NEDD4L: variants seen among roughly 807,000 people sequenced by gnomAD.
NEDD4L encodes the protein NEDD4 like E3 ubiquitin protein ligase.
Under a neutral mutation model 148.9 loss-of-function variants are expected in NEDD4L, and 54 were observed. The observed-to-expected ratio is 0.36, with a 90% CI of 0.29 to 0.45. The LOEUF (loss-of-function observed/expected upper bound fraction) is 0.45, where lower values mean the gene tolerates loss of function less well. Among genes scored for constraint, NEDD4L ranks in the 20% least tolerant of loss-of-function variants. The probability of loss-of-function intolerance (pLI) is 1.00; values close to 1 mark genes in which losing one functional copy is unlikely to be tolerated. For missense variants in NEDD4L, 856 were observed against 1,233.8 expected (o/e 0.69, Z 4.59); for synonymous variants, 433 against 440.7 (o/e 0.98, Z 0.22).
chr18:58,337,936 G>A (rs560945913), intron 13 of NEDD4L, among the ~76,000 whole-genome samples: 5 of 152,270 alleles, frequency 3.3e-5, no homozygotes, highest in African/African-American at 9.6e-5. Context: ...CTCCCCATGA[G>A]ATAAAAGGAG....
chr18:58,142,982 G>A (rs2033716457), intron 1 of NEDD4L, among the ~76,000 whole-genome samples: 1 of 152,198 alleles, frequency 6.6e-6, no homozygotes, highest in Admixed American at 6.5e-5. Context: ...TTGGATCAGT[G>A]TTGAACCTGT....
intron 1 of NEDD4L, among the ~76,000 whole-genome samples, chr18:58,142,271 A>G (rs1258553022): frequency 6.6e-6 from 1 of 151,540 alleles, no homozygotes; most frequent in East Asian, 1.9e-4. Flanking sequence ...TACGGTCTCG[A>G]TCTTTTGACA....
intron 15 of NEDD4L, 104 bp downstream of exon 15, chr18:58,341,901 G>A: frequency 2.2e-6 from 3 of 1,334,618 alleles, no homozygotes; most frequent in Non-Finnish European, 3.1e-6. Flanking sequence ...TCCTCTCTCT[G>A]ATCAGTCGTT....
intron 1 of NEDD4L, among the ~76,000 whole-genome samples, chr18:58,095,451 G>A (rs1320030382): frequency 3.1e-5 from 4 of 128,966 alleles, no homozygotes; most frequent in African/African-American, 1.4e-4. Context: ...CTCCCACCGC[G>A]TGGGGAGTAA....
At chr18:58,048,068 C>T (rs929722434) in intron 1 of NEDD4L, among the ~76,000 whole-genome samples, 4 of 152,194 alleles carry the variant, frequency 2.6e-5, no homozygotes, top group African/African-American at 9.7e-5. Context: ...CACCTTCTCT[C>T]CTTATCCTGT....
intron 1 of NEDD4L, among the ~76,000 whole-genome samples, chr18:58,099,543 T>G (rs975948426): frequency 2.6e-5 from 4 of 152,244 alleles, no homozygotes; most frequent in Admixed American, 6.5e-5. Context: ...TTAGTGCTAT[T>G]TCCTGTTAGA....
chr18:58,229,752 G>A (rs2044859509), intron 2 of NEDD4L, among the ~76,000 whole-genome samples: 1 of 152,052 alleles, frequency 6.6e-6, no homozygotes, highest in Non-Finnish European at 1.5e-5. Context: ...AACACTTTGG[G>A]AGGCCGAGGC....
chr18:58,113,374 C>A (rs2085535852), intron 1 of NEDD4L, among the ~76,000 whole-genome samples: 1 of 152,136 alleles, frequency 6.6e-6, no homozygotes, highest in Non-Finnish European at 1.5e-5. Flanking sequence ...ACAGATTGAA[C>A]AATGGCTGTA....
At position 58,348,326 on chromosome 18, in the gene NEDD4L, C is replaced by CTTTTTTTTCTTTTTTT. The variant is rs2043371626; in HGVS notation, c.1576-1203_1576-1202insCTTTTTTTTTTTTTTT. 1.1e-3 allele frequency among the ~76,000 whole-genome samples: 99 copies of CTTTTTTTTCTTTTTTT among 88,650 alleles called. 3 individuals are homozygous for CTTTTTTTTCTTTTTTT. The highest frequency in any genetic ancestry group is 5.2e-3 in the African/African-American group (97 of 18,530). 58.2% of individuals were successfully genotyped at this position (88,650 alleles called of 152,430 possible). A position where few individuals can be genotyped will look rare whatever the true frequency, so the allele number is the denominator to read the frequency against. On this transcript the variant is annotated intron_variant, in intron 16 of 30. Transcript: ENST00000400345. ...CACTGCATTTCTTTTTCTTTTTTTTCTTTTTTTTTTTTTTTTTTTTTTTGA... is the reference window on the plus strand; with the variant it reads ...CACTGCATTTCTTTTTCTTTTTTTTCTTTTTTTTCTTTTTTTTTTTTTTTTTTTTTTTTTTTTTTGA...
intron 1 of NEDD4L, among the ~76,000 whole-genome samples, chr18:58,083,702 AC>A (rs201778382): frequency 6.9e-6 from 1 of 144,474 alleles, no homozygotes; most frequent in African/African-American, 2.6e-5. Flanking sequence ...AACAAAAAAA[AC>A]AAAACAACAA....
chr18:58,278,780 C>G (rs962415247), intron 5 of NEDD4L, among the ~76,000 whole-genome samples: 3 of 152,340 alleles, frequency 2.0e-5, no homozygotes, highest in Admixed American at 6.5e-5. Flanking sequence ...TCATATCTAT[C>G]TCAAACTAGG....
chr18:58,078,690 A>G (rs1384868555), intron 1 of NEDD4L, among the ~76,000 whole-genome samples: 1 of 152,206 alleles, frequency 6.6e-6, no homozygotes, highest in East Asian at 1.9e-4. Context: ...GAAAGCTTAC[A>G]GAAATAAAGG....
intron 5 of NEDD4L, among the ~76,000 whole-genome samples, chr18:58,252,908 A>G (rs1211834426): frequency 6.6e-6 from 1 of 152,078 alleles, no homozygotes; most frequent in Non-Finnish European, 1.5e-5. Flanking sequence ...TTTGAAGCAC[A>G]TTTTGCTTTC....
chr18:58,082,201 G>C (rs1388155765), intron 1 of NEDD4L, among the ~76,000 whole-genome samples: 1 of 142,172 alleles, frequency 7.0e-6, no homozygotes, highest in Admixed American at 7.2e-5. Flanking sequence ...CCTGCCTCCC[G>C]GGTTCAAGCA....
intron 5 of NEDD4L, among the ~76,000 whole-genome samples, chr18:58,276,742 A>G (rs2052123036): frequency 6.6e-6 from 1 of 151,234 alleles, no homozygotes; most frequent in East Asian, 1.9e-4. Context: ...CGAAGTTAAT[A>G]GCTCCCACCC....
rs373128169 is a variant in NEDD4L at position 58,366,205 on chromosome 18, C to T, written c.2040C>T (p.Tyr680=). Residue 680 remains tyrosine (Y), a synonymous_variant, in exon 21 of 31, where the codon TAC becomes TAT. Coordinates refer to ENST00000400345, the MANE Select transcript of NEDD4L (RefSeq NM_001144967.3). The surrounding 1 kb of genome is among the most constrained non-coding windows in gnomAD (Gnocchi z 4.2). ...CCAAAGAGATGTTCAACCCCTACTA[C>T]GGCCTCTTTGAGTACTCTGCCACGT... ...LLSKEMFNPY[Y]GLFEYSATDN... is the part of the protein sequence containing the mutation. 31 of 1,610,064 alleles carry T rather than the reference C, an allele frequency of 1.9e-5. 1 individual carries two copies. In the African/African-American group the frequency reaches 2.4e-4, roughly 12 times the overall value.
At chr18:58,058,865 T>A (rs1469891701) in intron 1 of NEDD4L, among the ~76,000 whole-genome samples, 1 of 152,180 alleles carries the variant, frequency 6.6e-6, no homozygotes, top group Admixed American at 6.5e-5. Context: ...GGTTTATGTG[T>A]CTGTCTCGTA....
rs761370722 is a variant in NEDD4L at position 58,380,684 on chromosome 18, A to G, written c.2353-2562A>G. 1.3e-5 allele frequency among the ~76,000 whole-genome samples: 2 copies of G among 152,118 alleles called. 1 individual carries two copies. Among genetic ancestry groups the G allele is most frequent in the South Asian group, 4.1e-4 (2 of 4,822 alleles). ...GGTTTGCTGCACCCATCAACCCATCATCTACATTAGGTATTTTTCTTAATG... is the reference window on the plus strand; with the variant it reads ...GGTTTGCTGCACCCATCAACCCATCGTCTACATTAGGTATTTTTCTTAATG... On this transcript the variant is annotated intron_variant, in intron 24 of 30. Transcript: ENST00000400345.
intron 2 of NEDD4L, among the ~76,000 whole-genome samples, chr18:58,206,173 G>T (rs960786493): frequency 2.0e-5 from 3 of 152,130 alleles, no homozygotes; most frequent in African/African-American, 4.8e-5. Flanking sequence ...CGGATCACCT[G>T]AGGTCAGGAG....
Sources: allele counts gnomAD v4.1 joint callset (sites outside exome capture counted in the v4.1 genomes callset), GRCh38; gene constraint gnomAD v4.1.1; non-coding constraint Gnocchi (gnomAD v3.1); transcripts MANE v1.5; gene names NCBI Gene and HGNC (gene_info 2026-07-23, HGNC 2026-07-21).